Variants in USP53 observed in about 807,000 individuals in gnomAD.
USP53 encodes the protein ubiquitin specific peptidase 53, also known as ubiquitin carboxyl-terminal hydrolase 53.
Under a neutral mutation model 94.9 loss-of-function variants are expected in USP53, and 71 were observed. The ratio of observed to expected loss-of-function variants is 0.75; its 90% CI spans 0.62 to 0.91. USP53 has a LOEUF of 0.91. Ranked by LOEUF, USP53 falls within the 40% of genes least tolerant of loss-of-function variation. The pLI, the probability that USP53 is intolerant of heterozygous loss-of-function variation, is 0.00. For synonymous variants in USP53, 375 were observed against 422.7 expected, an observed-to-expected ratio of 0.89 and a Z score of 1.39; for missense variants, 1,173 against 1,281.0, an observed-to-expected ratio of 0.92 and a Z score of 1.29.
At chr4:119,276,303 C>A (rs1280539333) in intron 17 of USP53, among the ~76,000 whole-genome samples, 1 of 150,324 alleles carries the variant, frequency 6.7e-6, no homozygotes, top group Non-Finnish European at 1.5e-5. Context: ...GAGTTTTTAG[C>A]ATGAAGCATT....
rs368618955 is a variant in USP53, at chr4:119,239,724, A to G, written c.-36A>G. 1.5e-5 allele frequency: 24 copies of G among 1,578,818 alleles called. No homozygotes were observed. Among genetic ancestry groups the G allele is most frequent in the South Asian group, 1.1e-4 (9 of 85,154 alleles). Reference sequence around the variant, plus strand: ...TCCAAAATATTACATAAAAGTGTACAGTTTTTAGCCTAAATGCAAACAAAG... The same window carrying G: ...TCCAAAATATTACATAAAAGTGTACGGTTTTTAGCCTAAATGCAAACAAAG... On this transcript the variant is annotated 5_prime_UTR_variant, in exon 5 of 19. Coordinates refer to ENST00000692078, the MANE Select transcript of USP53 (RefSeq NM_001371395.1).
Position 119,293,218 on chromosome 4 carries a change from A to G in USP53, c.*7A>G. On this transcript the variant is annotated 3_prime_UTR_variant, in exon 19 of 19. Coordinates refer to ENST00000692078, the MANE Select transcript of USP53 (RefSeq NM_001371395.1). ...TAATAATTCACTATCTTAGAGTGAA[A>G]AAGGACTAGACCTGTGTTACATAAT... 1 of 1,577,022 alleles carries G rather than the reference A, an allele frequency of 6.3e-7. No individual in the cohort carries two copies. The highest frequency in any genetic ancestry group is 8.5e-7 in the Non-Finnish European group (1 of 1,170,034).
intron 17 of USP53, among the ~76,000 whole-genome samples, chr4:119,284,842 G>T (rs573896454): frequency 1.3e-5 from 2 of 151,988 alleles, no homozygotes; most frequent in South Asian, 2.1e-4. Flanking sequence ...CTATTGCAAA[G>T]TTCTTAGAGC....
intron 1 of USP53, among the ~76,000 whole-genome samples, chr4:119,213,660 A>ATGTGTGTGTGTGTGTGTGTGTG (rs1553962017): frequency 1.7e-5 from 2 of 117,782 alleles, no homozygotes; most frequent in African/African-American, 7.2e-5. Flanking sequence ...ATATATATAT[A>ATGTGTGTGTGTGTGTGTGTGTG]TGTGTGTGTG....
intron 15 of USP53, among the ~76,000 whole-genome samples, chr4:119,270,674 A>T (rs1049165555): frequency 6.6e-6 from 1 of 152,106 alleles, no homozygotes; most frequent in Admixed American, 6.6e-5. Flanking sequence ...TTATGGTTCT[A>T]TGCTTTTTTC....
intron 6 of USP53, among the ~76,000 whole-genome samples, chr4:119,247,219 C>T (rs780197035): frequency 1.1e-4 from 16 of 152,148 alleles, no homozygotes; most frequent in Admixed American, 2.0e-4. Flanking sequence ...AGTCACCTGC[C>T]TCTTTCCTGT....
At position 119,271,966 on chromosome 4, in the gene USP53, C is replaced by T; in HGVS notation, c.2106C>T (p.Asp702=). 2 of 1,613,736 alleles carry T rather than the reference C, an allele frequency of 1.2e-6. No individual in the cohort carries two copies. The part of the protein sequence containing the change: ...DHISNGSTNL[D]SPVIDGNGTV... ...TCAGTAATGGTTCTACTAATTTGGA[C>T]TCACCTGTTATCGATGGAAATGGTA... Residue 702 remains aspartate (D), a synonymous_variant, in exon 16 of 19, where the codon GAC becomes GAT. Coordinates refer to ENST00000692078, the MANE Select transcript of USP53 (RefSeq NM_001371395.1).
chr4:119,213,445 C>A (rs1370095323), intron 1 of USP53, among the ~76,000 whole-genome samples: 2 of 151,782 alleles, frequency 1.3e-5, no homozygotes, highest in African/African-American at 4.8e-5. Flanking sequence ...GGGGCATTTA[C>A]CAAACTATTT....
chr4:119,249,632 G>C (rs1343798203), intron 7 of USP53, among the ~76,000 whole-genome samples: 1 of 147,612 alleles, frequency 6.8e-6, no homozygotes, highest in African/African-American at 2.5e-5. Flanking sequence ...TCCTATTGGT[G>C]TCCATTCAAC....
At chr4:119,269,865 T>A (rs750028370) in intron 15 of USP53, 28 bp downstream of exon 15, 1 of 1,318,474 alleles carries the variant, frequency 7.6e-7, no homozygotes, top group South Asian at 2.7e-5. Context: ...ACTATTGATT[T>A]TAAAAGGAAC....
rs1055251881 is a variant in USP53 at position 119,292,976 on chromosome 4, C to G, written c.2987C>G (p.Pro996Arg). ...GTGAGAGAATGTTTTGGCAACACACCAAACTGTCCATCCAGCTCCTCAACT... is the reference window on the plus strand; with the variant it reads ...GTGAGAGAATGTTTTGGCAACACACGAAACTGTCCATCCAGCTCCTCAACT... Reference protein sequence around the residue: ...FQVRECFGNTPNCPSSSSTND... With the variant: ...FQVRECFGNTRNCPSSSSTND... The change falls in exon 19 of 19, where the codon CCA becomes CGA. Residue 996 changes from proline (P) to arginine (R), a missense_variant. Transcript: ENST00000692078. The G allele has an allele frequency of 6.2e-7, 1 of 1,614,038 alleles. No homozygotes were observed. Among genetic ancestry groups the G allele is most frequent in the Admixed American group, 1.7e-5 (1 of 60,002 alleles).
Position 119,256,537 on chromosome 4 carries a change from A to G in USP53, c.569+14A>G. 6.2e-7 allele frequency: 1 copy of G among 1,612,086 alleles called. No homozygotes were observed. On this transcript the variant is annotated intron_variant, in intron 9 of 18. Coordinates refer to ENST00000692078, the MANE Select transcript of USP53 (RefSeq NM_001371395.1). The stretch of plus-strand genomic sequence containing the variant: ...AACAGCCTTATGGTAAGAACCTATT[A>G]AAGCTTAATTATCAACGATATTAAT...
chr4:119,287,819 A>G (rs558817947), intron 17 of USP53, among the ~76,000 whole-genome samples: 2 of 152,298 alleles, frequency 1.3e-5, no homozygotes, highest in East Asian at 1.9e-4. Flanking sequence ...ATGTCTTTGT[A>G]TGTTAATGGC....
chr4:119,253,186 A>G (rs1164660183), intron 7 of USP53, among the ~76,000 whole-genome samples: 1 of 152,084 alleles, frequency 6.6e-6, no homozygotes, highest in Non-Finnish European at 1.5e-5. Flanking sequence ...CGAAGAATAT[A>G]TATTCTGTTG....
intron 11 of USP53, 29 bp from the exon 12 acceptor site, chr4:119,261,686 A>G: frequency 6.5e-7 from 1 of 1,527,602 alleles, no homozygotes; most frequent in Non-Finnish European, 8.9e-7. Flanking sequence ...ATGTAGTGTT[A>G]AGTGTACATT....
At chr4:119,289,524 G>A (rs1754496407) in intron 17 of USP53, among the ~76,000 whole-genome samples, 1 of 152,228 alleles carries the variant, frequency 6.6e-6, no homozygotes. Flanking sequence ...ATAATCTTAA[G>A]ACTTGGTACA....
chr4:119,224,762 C>T (rs1351206070), intron 3 of USP53, among the ~76,000 whole-genome samples: 5 of 152,128 alleles, frequency 3.3e-5, no homozygotes, highest in African/African-American at 9.7e-5. Context: ...AAATTTGAAA[C>T]TATGTTGAAC....
At chr4:119,256,671 T>A (rs531625149) in intron 9 of USP53, 148 bp downstream of exon 9, 1 of 832,618 alleles carries the variant, frequency 1.2e-6, no homozygotes, top group South Asian at 1.7e-5. Flanking sequence ...TATTAAGTGA[T>A]GTCTATCAAA....
chr4:119,292,658 A>G lies in USP53; in HGVS notation c.2669A>G (p.Tyr890Cys). ...IQQQNIMDQC[Y>C]FENSLSTECI... ...CAACAAAATATCATGGATCAATGTT[A>G]CTTTGAGAACTCTCTATCCACAGAA... Residue 890 changes from tyrosine (Y) to cysteine (C), a missense_variant, in exon 19 of 19, where the codon TAC (tyrosine) becomes TGC (cysteine). Coordinates refer to ENST00000692078, the MANE Select transcript of USP53 (RefSeq NM_001371395.1). 1.2e-6 allele frequency: 2 copies of G among 1,614,036 alleles called. No individual in the cohort carries two copies. The highest frequency in any genetic ancestry group is 1.7e-5 in the Admixed American group (1 of 60,020).
Sources: allele counts gnomAD v4.1 joint callset (sites outside exome capture counted in the v4.1 genomes callset), GRCh38; gene constraint gnomAD v4.1.1; transcripts MANE v1.5; gene names NCBI Gene and HGNC (gene_info 2026-07-23, HGNC 2026-07-21).